The following NMNAT3 variants were observed in gnomAD, a reference collection of about 807,000 sequenced individuals.
The protein encoded by NMNAT3 is nicotinamide/nicotinic acid mononucleotide adenylyltransferase 3.
NMNAT3 carries 21 observed loss-of-function variants against 24.8 expected under a neutral mutation model. The ratio of observed to expected loss-of-function variants is 0.85; its 90% CI spans 0.60 to 1.22. NMNAT3 has a LOEUF of 1.22. Ranked by LOEUF, NMNAT3 falls within the 50% of genes most tolerant of loss-of-function variation. The probability of loss-of-function intolerance (pLI) is 0.00; values close to 1 mark genes in which losing one functional copy is unlikely to be tolerated. For synonymous variants in NMNAT3, 136 were observed against 155.2 expected (o/e 0.88, Z 0.92); for missense variants, 387 against 436.6 (o/e 0.89, Z 1.01).
intron 3 of NMNAT3, among the ~76,000 whole-genome samples, chr3:139,591,415 C>A (rs1399854582): frequency 2.6e-5 from 4 of 151,094 alleles, no homozygotes; most frequent in Non-Finnish European, 4.5e-5. Context: ...ATTGCCCAGG[C>A]TTGCTTAGGT....
At chr3:139,617,601 A>G (rs2055568562) in intron 3 of NMNAT3, among the ~76,000 whole-genome samples, 1 of 152,250 alleles carries the variant, frequency 6.6e-6, no homozygotes, top group Non-Finnish European at 1.5e-5. Flanking sequence ...AATACAGAAA[A>G]TAAACAAGTG....
At chr3:139,662,000 T>C (rs966192888) in intron 1 of NMNAT3, among the ~76,000 whole-genome samples, 1 of 152,056 alleles carries the variant, frequency 6.6e-6, no homozygotes, top group Non-Finnish European at 1.5e-5. Flanking sequence ...TGACTCAGAA[T>C]GGTAGGTGTG....
intron 3 of NMNAT3, among the ~76,000 whole-genome samples, chr3:139,586,796 G>C (rs2053958630): frequency 6.6e-6 from 1 of 152,210 alleles, no homozygotes; most frequent in South Asian, 2.1e-4. Context: ...CCACAGAGCA[G>C]TAAAAAGAAA....
At chr3:139,640,259 A>G (rs1050856178) in intron 1 of NMNAT3, among the ~76,000 whole-genome samples, 3 of 152,168 alleles carry the variant, frequency 2.0e-5, no homozygotes, top group Admixed American at 2.0e-4. Flanking sequence ...CCTGTGCCTG[A>G]GTGGGCAAAA....
chr3:139,661,171 G>T (rs1203929580), intron 1 of NMNAT3, among the ~76,000 whole-genome samples: 1 of 152,112 alleles, frequency 6.6e-6, no homozygotes, highest in Non-Finnish European at 1.5e-5. Context: ...TGACTATAAA[G>T]AGCTCAACAA....
At chr3:139,568,741 T>A (rs1937593653) in intron 6 of NMNAT3, 1 of 152,216 alleles carries the variant, frequency 6.6e-6, no homozygotes, top group Non-Finnish European at 1.5e-5. Flanking sequence ...TTACATTTGC[T>A]GAGGAGTGCT....
At chr3:139,619,891 G>A (rs1047399542) in intron 3 of NMNAT3, among the ~76,000 whole-genome samples, 1 of 152,098 alleles carries the variant, frequency 6.6e-6, no homozygotes, top group Non-Finnish European at 1.5e-5. Context: ...TAAGAGATAA[G>A]GACACATTTT....
At chr3:139,646,725 G>A (rs7639773) in intron 1 of NMNAT3, among the ~76,000 whole-genome samples, 13,174 of 152,248 alleles carry the variant, frequency 0.087, 934 homozygotes, top group East Asian at 0.22. Flanking sequence ...TAATTTATGA[G>A]CATGCAGGCC....
chr3:139,609,902 C>T (rs1414832058), intron 3 of NMNAT3: 1 of 152,256 alleles, frequency 6.6e-6, no homozygotes, highest in Non-Finnish European at 1.5e-5. Flanking sequence ...TCAAGCGATC[C>T]TCCTGCCTAA....
At chr3:139,588,880 G>C (rs559931192) in intron 3 of NMNAT3, among the ~76,000 whole-genome samples, 47 of 152,244 alleles carry the variant, frequency 3.1e-4, no homozygotes, top group African/African-American at 1.1e-3. Flanking sequence ...CTGGGGAACA[G>C]ACCTACCTAG....
intron 1 of NMNAT3, among the ~76,000 whole-genome samples, chr3:139,656,002 C>A (rs901399370): frequency 6.6e-6 from 1 of 152,298 alleles, no homozygotes; most frequent in Middle Eastern, 3.4e-3. Context: ...ATTAGAATGT[C>A]ACTAACTCAG....
chr3:139,659,252 C>G (rs560122016), intron 1 of NMNAT3, among the ~76,000 whole-genome samples: 2 of 152,308 alleles, frequency 1.3e-5, no homozygotes, highest in Non-Finnish European at 2.9e-5. Flanking sequence ...AGCATTAGGA[C>G]CTGTTTGTCT....
chr3:139,670,812 T>G (rs187945805), intron 1 of NMNAT3, among the ~76,000 whole-genome samples: 1 of 152,302 alleles, frequency 6.6e-6, no homozygotes, highest in East Asian at 1.9e-4. Flanking sequence ...CTCTGAAGGC[T>G]GCAATTCCAA....
At chr3:139,602,606 A>G (rs1274727410) in intron 3 of NMNAT3, among the ~76,000 whole-genome samples, 1 of 152,186 alleles carries the variant, frequency 6.6e-6, no homozygotes, top group Admixed American at 6.5e-5. Context: ...GGCAATTCTT[A>G]TGTGCTAGTG....
intron 3 of NMNAT3, among the ~76,000 whole-genome samples, chr3:139,596,134 G>A (rs2054443741): frequency 1.3e-5 from 2 of 152,146 alleles, no homozygotes; most frequent in African/African-American, 4.8e-5. Flanking sequence ...GTTTTTCTCT[G>A]ACGAGTCAGC....
chr3:139,595,407 A>G (rs2054401768), intron 3 of NMNAT3, among the ~76,000 whole-genome samples: 1 of 152,222 alleles, frequency 6.6e-6, no homozygotes. Flanking sequence ...TACAGATTCA[A>G]TGCCATCCCC....
intron 1 of NMNAT3, among the ~76,000 whole-genome samples, chr3:139,661,867 G>A (rs997820948): frequency 3.3e-5 from 5 of 152,000 alleles, no homozygotes; most frequent in Admixed American, 1.3e-4. Context: ...TAAGGACACC[G>A]TCTTACTTTA....
At chr3:139,657,007 ATC>A (rs2057267406) in intron 1 of NMNAT3, among the ~76,000 whole-genome samples, 1 of 152,238 alleles carries the variant, frequency 6.6e-6, no homozygotes, top group South Asian at 2.1e-4. Flanking sequence ...CTACACTTTT[ATC>A]TTTAATATTT....
chr3:139,658,933 T>C (rs1488957156), intron 1 of NMNAT3, among the ~76,000 whole-genome samples: 1 of 152,100 alleles, frequency 6.6e-6, no homozygotes, highest in African/African-American at 2.4e-5. Flanking sequence ...TCAATCCCCC[T>C]GCACCCCTCC....
Sources: gnomAD v4.1 joint callset for allele counts (sites outside exome capture counted in the v4.1 genomes callset) on GRCh38, gnomAD v4.1.1 for gene constraint, MANE v1.5 for transcripts, NCBI Gene and HGNC (gene_info 2026-07-23, HGNC 2026-07-21) for gene names.